TPD52: variants seen among roughly 807,000 people sequenced by gnomAD.
TPD52 encodes the protein tumor protein D52.
Under a neutral mutation model 31.3 loss-of-function variants are expected in TPD52, and 17 were observed. The ratio of observed to expected loss-of-function variants is 0.54; its 90% CI spans 0.37 to 0.82. TPD52 has a LOEUF of 0.82. Among genes scored for constraint, TPD52 ranks in the 40% least tolerant of loss-of-function variants. TPD52 has a pLI of 0.00. For synonymous variants in TPD52, 83 were observed against 89.6 expected (o/e 0.93, Z 0.42); for missense variants, 212 against 240.1 (o/e 0.88, Z 0.77).
At chr8:80,086,099 T>G (rs1227361815) in intron 1 of TPD52, among the ~76,000 whole-genome samples, 4 of 128,620 alleles carry the variant, frequency 3.1e-5, no homozygotes, top group Non-Finnish European at 6.4e-5. Context: ...CGGGTTTTTT[T>G]GCTTTTTTTT....
At chr8:80,144,954 G>T (rs958673260) in intron 1 of TPD52, among the ~76,000 whole-genome samples, 1 of 151,772 alleles carries the variant, frequency 6.6e-6, no homozygotes, top group Non-Finnish European at 1.5e-5. Context: ...CTGGTTGTGT[G>T]GAAAGGATTA....
intron 1 of TPD52, among the ~76,000 whole-genome samples, chr8:80,136,113 C>T (rs1458551080): frequency 7.3e-6 from 1 of 136,810 alleles, no homozygotes; most frequent in Non-Finnish European, 1.6e-5. Context: ...GCACATGTAC[C>T]CTAAAACTTA....
intron 1 of TPD52, among the ~76,000 whole-genome samples, chr8:80,136,771 C>T (rs1298861542): frequency 1.3e-5 from 2 of 152,042 alleles, no homozygotes; most frequent in Admixed American, 6.6e-5. Flanking sequence ...ATAATAAATC[C>T]CCCTTCACCC....
intron 7 of TPD52, among the ~76,000 whole-genome samples, chr8:80,039,025 G>A (rs1315133043): frequency 6.6e-6 from 1 of 152,122 alleles, no homozygotes; most frequent in Non-Finnish European, 1.5e-5. Flanking sequence ...CTGTCCAACA[G>A]GACAGCTAAC....
intron 1 of TPD52, among the ~76,000 whole-genome samples, chr8:80,115,134 CT>C (rs1409344004): frequency 3.3e-5 from 5 of 152,266 alleles, no homozygotes; most frequent in East Asian, 1.9e-4. Context: ...AGCTTTTTGA[CT>C]TTTTTAAACA....
intron 1 of TPD52, 90 bp from the exon 2 acceptor site, chr8:80,064,683 C>A: frequency 1.1e-6 from 1 of 885,116 alleles, no homozygotes; most frequent in Non-Finnish European, 1.9e-6. Flanking sequence ...AGAATAAAGC[C>A]AATTAGAGTA....
intron 1 of TPD52, among the ~76,000 whole-genome samples, chr8:80,124,349 G>A (rs1563643595): frequency 6.6e-6 from 1 of 152,038 alleles, no homozygotes; most frequent in East Asian, 1.9e-4. Flanking sequence ...TATTTTTTGT[G>A]GAGATTAGAG....
intron 1 of TPD52, 47 bp downstream of exon 1, chr8:80,171,375 CAAG>C: frequency 3.4e-6 from 2 of 583,904 alleles, no homozygotes; most frequent in Non-Finnish European, 4.1e-6. Context: ...AGCCCGAGTC[CAAG>C]CCCGAGTCCA....
chr8:80,073,640 G>A (rs1463923949), intron 1 of TPD52, among the ~76,000 whole-genome samples: 3 of 152,212 alleles, frequency 2.0e-5, no homozygotes. Flanking sequence ...TGGATAAATG[G>A]ATTATAGGAA....
At chr8:80,091,495 C>T (rs1478938010) in intron 1 of TPD52, among the ~76,000 whole-genome samples, 1 of 151,338 alleles carries the variant, frequency 6.6e-6, no homozygotes, top group Non-Finnish European at 1.5e-5. Context: ...CACAAAAGAG[C>T]ATTACTATTT....
Position 80,120,396 on chromosome 8 carries a change from C to A in TPD52, c.19+51029G>T, listed in dbSNP as rs539585927. On this transcript the variant is annotated intron_variant, in intron 1 of 7. Coordinates refer to ENST00000518937, the MANE Select transcript of TPD52 (RefSeq NM_001025253.3). ...CCCAGCTACTCAGGAGGGTGAGGCA[C>A]GAGAATCACTTGAATCCAGGAGACA... 2.0e-5 allele frequency among the ~76,000 whole-genome samples: 3 copies of A among 151,570 alleles called. No homozygotes were observed. In the East Asian group the frequency reaches 5.8e-4, roughly 29 times the overall value.
chr8:80,061,333 C>T (rs1302929312), intron 2 of TPD52, among the ~76,000 whole-genome samples: 2 of 150,978 alleles, frequency 1.3e-5, no homozygotes, highest in Admixed American at 1.3e-4. Context: ...CATTGCATTC[C>T]AGCCTGGGCA....
intron 1 of TPD52, chr8:80,158,943 C>CAAAAAAAAAAAAAAAAAAAAAA (rs57625062): frequency 1.3e-5 from 1 of 76,354 alleles, no homozygotes; most frequent in African/African-American, 5.2e-5. Context: ...GACTCCGTCT[C>CAAAAAAAAAAAAAAAAAAAAAA]AAAAAAAAAA....
chr8:80,126,163 G>C (rs1424187782), intron 1 of TPD52, among the ~76,000 whole-genome samples: 1 of 151,996 alleles, frequency 6.6e-6, no homozygotes, highest in East Asian at 1.9e-4. Flanking sequence ...TTTTGATTTT[G>C]CTCCAATTAA....
intron 5 of TPD52, among the ~76,000 whole-genome samples, chr8:80,048,209 T>G (rs996906156): frequency 1.3e-4 from 20 of 152,170 alleles, no homozygotes; most frequent in Admixed American, 7.9e-4. Context: ...AGAGCAGCTC[T>G]CTCTCTCTCT....
chr8:80,114,650 C>T (rs2130996450), intron 1 of TPD52, among the ~76,000 whole-genome samples: 1 of 152,276 alleles, frequency 6.6e-6, no homozygotes, highest in Non-Finnish European at 1.5e-5. Flanking sequence ...TTAATTTTTC[C>T]TAAGTCAGAC....
intron 1 of TPD52, among the ~76,000 whole-genome samples, chr8:80,154,934 T>A (rs1403223473): frequency 6.6e-6 from 1 of 151,952 alleles, no homozygotes; most frequent in African/African-American, 2.4e-5. Flanking sequence ...GCTACTATTA[T>A]AATTGTTTTT....
intron 1 of TPD52, chr8:80,158,934 A>C (rs1811161620): frequency 1.7e-5 from 2 of 116,436 alleles, no homozygotes; most frequent in South Asian, 3.2e-4. Context: ...ACAGAGCGAG[A>C]CTCCGTCTCA....
Position 80,168,968 on chromosome 8 carries a change from G to A in TPD52, c.19+2457C>T, listed in dbSNP as rs1032321464. Among the ~76,000 whole-genome samples, 4 of 152,038 alleles carry A rather than the reference G, an allele frequency of 2.6e-5. No homozygotes were observed. In the South Asian group the frequency reaches 6.2e-4, roughly 24 times the overall value. ...CAGGTGGAAGCAAGAGTAAGGAATG[G>A]CCAGGTGGTTTTGTTTTGTGTTTGT... is the stretch of plus-strand genomic sequence containing the variant. On this transcript the variant is annotated intron_variant, in intron 1 of 7. Transcript: ENST00000518937.
Sources: gnomAD v4.1 joint callset for allele counts (sites outside exome capture counted in the v4.1 genomes callset) on GRCh38, gnomAD v4.1.1 for gene constraint, MANE v1.5 for transcripts, NCBI Gene and HGNC (gene_info 2026-07-23, HGNC 2026-07-21) for gene names.